EPHA8: variants seen among roughly 807,000 people sequenced by gnomAD.
EPHA8 encodes the protein EPH receptor A8, also known as ephrin type-A receptor 8.
EPHA8 carries 58 observed loss-of-function variants against 103.6 expected under a neutral mutation model. That is an observed-to-expected ratio of 0.56 (90% CI 0.45 to 0.70). EPHA8 has a LOEUF of 0.70. EPHA8 is among the 30% of genes least tolerant of loss of function. The pLI, the probability that EPHA8 is intolerant of heterozygous loss-of-function variation, is 0.00. For synonymous variants in EPHA8, 559 were observed against 572.5 expected, an observed-to-expected ratio of 0.98 and a Z score of 0.34; for missense variants, 1,304 against 1,395.2, an observed-to-expected ratio of 0.93 and a Z score of 1.04.
chr1:22,597,919 T>A lies in EPHA8; in HGVS notation c.2116+58T>A. ...AGTGCCCCTCCTGCCTGGAGAGGCC[T>A]CTGGGTCCATCCCCTCATCCATCCT... is the stretch of plus-strand genomic sequence containing the variant. On this transcript the variant is annotated intron_variant, in intron 11 of 16. Coordinates refer to ENST00000166244, the MANE Select transcript of EPHA8 (RefSeq NM_020526.5). This position sits in a 1 kb window ranked among gnomAD's most constrained non-coding sequence, Gnocchi z 4.6. 6.4e-7 allele frequency: 1 copy of A among 1,561,430 alleles called. No homozygotes were observed. Among genetic ancestry groups the A allele is most frequent in the Non-Finnish European group, 8.7e-7 (1 of 1,147,274 alleles).
chr1:22,574,436 G>A (rs1323307638), intron 2 of EPHA8, among the ~76,000 whole-genome samples: 1 of 152,134 alleles, frequency 6.6e-6, no homozygotes, highest in Non-Finnish European at 1.5e-5. Context: ...CGTTCATCCT[G>A]CAAAACGGAA....
chr1:22,593,713 C>T (rs1044841505), intron 7 of EPHA8, 27 bp downstream of exon 7: 15 of 1,539,606 alleles, frequency 9.7e-6, no homozygotes, highest in East Asian at 9.5e-5. Context: ...GGCGTGGGCG[C>T]GGAGCAGCCC....
Position 22,589,184 on chromosome 1 carries a change from C to T in EPHA8, c.1293C>T (p.Val431=), listed in dbSNP as rs1641307535. The change falls in exon 5 of 17, where the codon GTC becomes GTT. Residue 431 remains valine (V), a synonymous_variant. Transcript: ENST00000166244. The surrounding 1 kb of genome is among the most constrained non-coding windows in gnomAD (Gnocchi z 4.3). The part of the protein sequence containing the change: ...LSPEPRRAAV[V]NITTNQAAPS... ...CCGAGCCCCGCCGGGCCGCTGTGGT[C>T]AACATCACCACGAACCAGGCAGGTA... 6.2e-7 allele frequency: 1 copy of T among 1,613,968 alleles called. No homozygotes were observed. The highest frequency in any genetic ancestry group is 8.5e-7 in the Non-Finnish European group (1 of 1,179,998).
intron 7 of EPHA8, among the ~76,000 whole-genome samples, chr1:22,593,975 G>A (rs1641447937): frequency 1.3e-5 from 2 of 152,222 alleles, no homozygotes; most frequent in South Asian, 4.1e-4. Context: ...TGGGACTACA[G>A]GCACCTGCCA....
rs746640832 is a variant in EPHA8, at chr1:22,601,376, G to A, written c.2806G>A (p.Gly936Arg). Residue 936 changes from glycine to arginine, a missense_variant, in exon 16 of 17, where the codon GGG (glycine) becomes AGG (arginine). Coordinates refer to ENST00000166244, the MANE Select transcript of EPHA8 (RefSeq NM_020526.5). Reference sequence around the variant, plus strand: ...CGGTGGCGGTGGGGGCCTCACCGTGGGGGACTGGCTGGACTCCATCCGCAT... The same window carrying A: ...CGGTGGCGGTGGGGGCCTCACCGTGAGGGACTGGCTGGACTCCATCCGCAT... ...GSGGGGGLTVGDWLDSIRMGR... is the reference protein window; with the variant it reads ...GSGGGGGLTVRDWLDSIRMGR... 5.6e-6 allele frequency: 9 copies of A among 1,610,632 alleles called. No individual in the cohort carries two copies. In the South Asian group the frequency reaches 7.7e-5, roughly 14 times the overall value.
At position 22,589,398 on chromosome 1, in the gene EPHA8, A is replaced by T. The variant is rs79330282; in HGVS notation, c.1315+192A>T. ...CCTTTAGAAAAGTGGAACACATTCTATAAGTAAGAGAAATCCCAAAAGCTC... is the reference window on the plus strand; with the variant it reads ...CCTTTAGAAAAGTGGAACACATTCTTTAAGTAAGAGAAATCCCAAAAGCTC... On this transcript the variant is annotated intron_variant, in intron 5 of 16. Transcript: ENST00000166244. This position sits in a 1 kb window ranked among gnomAD's most constrained non-coding sequence, Gnocchi z 4.3. 0.055 allele frequency: 83,141 copies of T among 1,518,478 alleles called. 2,467 individuals are homozygous for T. The highest frequency in any genetic ancestry group is 0.1 in the East Asian group (4,443 of 43,876). The allele number at this position is 1,518,478 out of a possible 1,614,324, so 94.1% of individuals were successfully genotyped here.
Position 22,589,707 on chromosome 1 carries a change from A to G in EPHA8, c.1315+501A>G. 1 of 1,050,914 alleles carries G rather than the reference A, an allele frequency of 9.5e-7. No individual in the cohort carries two copies. Among genetic ancestry groups the G allele is most frequent in the Non-Finnish European group, 1.1e-6 (1 of 873,454 alleles). The allele number at this position is 1,050,914 out of a possible 1,614,324, so 65.1% of individuals were successfully genotyped here. A position where few individuals can be genotyped will look rare whatever the true frequency, so the allele number is the denominator to read the frequency against. ...GCACTGGCTTGGACCACAGTAGTTT[A>G]TCTATCAGTTTCTGGCCAGTTGGTG... On this transcript the variant is annotated intron_variant, in intron 5 of 16. Transcript: ENST00000166244. The surrounding 1 kb of genome is among the most constrained non-coding windows in gnomAD (Gnocchi z 4.3).
intron 1 of EPHA8, among the ~76,000 whole-genome samples, chr1:22,565,783 G>A (rs1369942361): frequency 1.3e-5 from 2 of 152,182 alleles, no homozygotes; most frequent in Non-Finnish European, 2.9e-5. Flanking sequence ...AGGCAGGTGG[G>A]GAAGTCTGTG....
intron 8 of EPHA8, 63 bp from the exon 9 acceptor site, chr1:22,596,043 T>C: frequency 6.7e-7 from 1 of 1,494,756 alleles, no homozygotes; most frequent in Non-Finnish European, 9.3e-7. Context: ...CGTTCCCTGG[T>C]TGGGGTCAGG....
intron 3 of EPHA8, among the ~76,000 whole-genome samples, chr1:22,580,125 CTCTTTTTTT>C (rs1641002651): frequency 2.7e-5 from 3 of 113,086 alleles, no homozygotes; most frequent in Non-Finnish European, 5.3e-5. Flanking sequence ...TTCTTTCTTT[CTCTTTTTTT>C]TTTTTTTTTT....
In EPHA8 at chr1:22,563,686, C is replaced by CGCG. The variant is rs1284214542; in HGVS notation, c.63_65dup (p.Ala22dup). 4 of 146,262 alleles carry CGCG rather than the reference C, an allele frequency of 2.7e-5. No homozygotes were observed. In the East Asian group the frequency reaches 8.1e-4, roughly 29 times the overall value. 9.1% of individuals were successfully genotyped at this position (146,262 alleles called of 1,614,324 possible). ...CCCCTGCGCTCTGGGTCGTCACGGC[C>CGCG]GCGGCGGCGGCGGCCACCTGCGTGT... On this transcript the variant is annotated inframe_insertion, in exon 1 of 17. Coordinates refer to ENST00000166244, the MANE Select transcript of EPHA8 (RefSeq NM_020526.5). The surrounding 1 kb of genome is among the most constrained non-coding windows in gnomAD (Gnocchi z 4.4).
chr1:22,595,731 G>GTT (rs943055918), intron 8 of EPHA8, among the ~76,000 whole-genome samples: 1 of 152,196 alleles, frequency 6.6e-6, no homozygotes, highest in Non-Finnish European at 1.5e-5. Context: ...GAGAAATGGA[G>GTT]ACCCAGGGAA....
At chr1:22,584,228 T>TC (rs927848851) in intron 3 of EPHA8, among the ~76,000 whole-genome samples, 9 of 152,090 alleles carry the variant, frequency 5.9e-5, no homozygotes, top group African/African-American at 2.2e-4. Flanking sequence ...GGACTGAGCC[T>TC]CCCGGGGGGC....
At chr1:22,590,528 T>C (rs1211344901) in intron 5 of EPHA8, among the ~76,000 whole-genome samples, 17 of 152,118 alleles carry the variant, frequency 1.1e-4, no homozygotes, top group Admixed American at 1.1e-3. Context: ...CTTCCCCCTT[T>C]CATTTCCTCC....
At chr1:22,583,777 G>T (rs550518993) in intron 3 of EPHA8, among the ~76,000 whole-genome samples, 2 of 152,212 alleles carry the variant, frequency 1.3e-5, no homozygotes, top group African/African-American at 2.4e-5. Flanking sequence ...GTTAGACGAG[G>T]ACAGGAACCC....
chr1:22,580,717 A>T (rs915297261), intron 3 of EPHA8, among the ~76,000 whole-genome samples: 1 of 152,222 alleles, frequency 6.6e-6, no homozygotes, highest in African/African-American at 2.4e-5. Flanking sequence ...ATACCAGCTC[A>T]TTTGCTCATT....
At chr1:22,590,213 G>C (rs748911716) in intron 5 of EPHA8, among the ~76,000 whole-genome samples, 2 of 152,200 alleles carry the variant, frequency 1.3e-5, no homozygotes, top group African/African-American at 4.8e-5. Context: ...GTAGAGCCCA[G>C]CCCTGGCCCA....
rs1641577753 is a variant in EPHA8 at position 22,598,203 on chromosome 1, C to T, written c.2169C>T (p.Thr723=). ...TEYMENGSLD[T]FLRTHDGQFT... ...ACATGGAGAACGGCTCTCTGGACAC[C>T]TTCCTGAGGGTGCGTGTCCCACCCC... The change falls in exon 12 of 17, where the codon ACC becomes ACT. Residue 723 remains threonine (T), a synonymous_variant. Coordinates refer to ENST00000166244, the MANE Select transcript of EPHA8 (RefSeq NM_020526.5). The surrounding 1 kb of genome is among the most constrained non-coding windows in gnomAD (Gnocchi z 5.1). The T allele has an allele frequency of 6.2e-7, 1 of 1,613,000 alleles. No individual in the cohort carries two copies. Among genetic ancestry groups the T allele is most frequent in the African/African-American group, 1.3e-5 (1 of 74,918 alleles).
At position 22,589,317 on chromosome 1, in the gene EPHA8, G is replaced by A; in HGVS notation, c.1315+111G>A. On this transcript the variant is annotated intron_variant, in intron 5 of 16. Coordinates refer to ENST00000166244, the MANE Select transcript of EPHA8 (RefSeq NM_020526.5). This position sits in a 1 kb window ranked among gnomAD's most constrained non-coding sequence, Gnocchi z 4.3. ...GGACGTGCTGTGGGCCTTTAGGCAA[G>A]TGCCTCTCTGGCCCTGCGCTCCTCA... The A allele has an allele frequency of 1.2e-6, 2 of 1,610,780 alleles. No homozygotes were observed. Among genetic ancestry groups the A allele is most frequent in the Non-Finnish European group, 1.7e-6 (2 of 1,179,326 alleles).
Sources: allele counts gnomAD v4.1 joint callset (sites outside exome capture counted in the v4.1 genomes callset), GRCh38; gene constraint gnomAD v4.1.1; non-coding constraint Gnocchi (gnomAD v3.1); transcripts MANE v1.5; gene names NCBI Gene and HGNC (gene_info 2026-07-23, HGNC 2026-07-21).